The following BCAS3 variants were observed in gnomAD, a reference collection of about 807,000 sequenced individuals.
BCAS3 encodes the protein BCAS4/BCAS3 fusion.
A neutral mutation model predicts 116.1 loss-of-function variants in BCAS3; 53 were observed. That is an observed-to-expected ratio of 0.46 (90% confidence interval 0.37 to 0.57). The LOEUF (loss-of-function observed/expected upper bound fraction) is 0.57. Ranked by LOEUF, BCAS3 falls within the 20% of genes least tolerant of loss-of-function variation. The probability of loss-of-function intolerance (pLI) is 0.00; values close to 1 mark genes in which losing one functional copy is unlikely to be tolerated. For missense variants in BCAS3, 917 were observed against 1,165.4 expected, an observed-to-expected ratio of 0.79 and a Z score of 3.10; for synonymous variants, 391 against 408.2, an observed-to-expected ratio of 0.96 and a Z score of 0.51.
intron 10 of BCAS3, 63 bp from the exon 11 acceptor site, chr17:60,902,557 G>T: frequency 7.6e-7 from 1 of 1,319,326 alleles, no homozygotes. Flanking sequence ...TATCCTGATA[G>T]CCTGTAGAGT....
chr17:61,216,585 G>A lies in BCAS3; in HGVS notation c.2425+132021G>A, dbSNP rs563679704. Among the ~76,000 whole-genome samples, 26 of 148,382 alleles carry A rather than the reference G, an allele frequency of 1.8e-4. No individual in the cohort carries two copies. In the South Asian group the frequency reaches 1.9e-3, roughly 11 times the overall value. On this transcript the variant is annotated intron_variant, in intron 22 of 23. Transcript: ENST00000407086. ...TTTTGAGTTGGAGTCTTGCTCTGTC[G>A]CCCAGGCTGAAGTGCAATGGCAATC...
In BCAS3 at chr17:60,798,553, T is replaced by C. The variant is rs561862753; in HGVS notation, c.404-9451T>C. ...GCTCATTTCTTTTTAGTCTGTTGTT[T>C]GGATATATTACAGTTTATTTATCCA... On this transcript the variant is annotated intron_variant, in intron 6 of 23. Coordinates refer to ENST00000407086, the MANE Select transcript of BCAS3 (RefSeq NM_017679.5). 3.9e-5 allele frequency among the ~76,000 whole-genome samples: 6 copies of C among 152,378 alleles called. No individual in the cohort carries two copies. In the East Asian group the frequency reaches 1.2e-3, roughly 29 times the overall value.
chr17:60,818,078 C>A (rs772107577), intron 7 of BCAS3, among the ~76,000 whole-genome samples: 4 of 152,038 alleles, frequency 2.6e-5, no homozygotes, highest in Non-Finnish European at 5.9e-5. Context: ...TGGTCTTGAA[C>A]TCCTGGGCTC....
intron 6 of BCAS3, among the ~76,000 whole-genome samples, chr17:60,783,120 A>G (rs1258391307): frequency 1.3e-5 from 2 of 152,224 alleles, no homozygotes; most frequent in African/African-American, 4.8e-5. Context: ...TGCAACTGCA[A>G]GAATGAACCC....
intron 21 of BCAS3, among the ~76,000 whole-genome samples, chr17:61,079,750 C>T (rs529128441): frequency 1.1e-4 from 17 of 152,078 alleles, no homozygotes; most frequent in African/African-American, 4.1e-4. Flanking sequence ...CGCCCGCCAC[C>T]AGACCCAGCT....
chr17:60,938,017 CTT>C (rs142673156), intron 13 of BCAS3, among the ~76,000 whole-genome samples: 1 of 149,382 alleles, frequency 6.7e-6, no homozygotes, highest in East Asian at 1.9e-4. Context: ...ATTTCTCACT[CTT>C]TTTTTTTTGA....
intron 7 of BCAS3, among the ~76,000 whole-genome samples, chr17:60,835,954 G>A (rs1193137957): frequency 1.3e-5 from 2 of 152,056 alleles, no homozygotes; most frequent in Admixed American, 6.6e-5. Flanking sequence ...GTCATTAATT[G>A]TTTAGACTTT....
intron 7 of BCAS3, among the ~76,000 whole-genome samples, chr17:60,861,523 C>A (rs1007785904): frequency 6.6e-5 from 10 of 152,104 alleles, no homozygotes; most frequent in Non-Finnish European, 1.5e-4. Flanking sequence ...ACTTCCAGAA[C>A]TGTGTTGAAT....
chr17:61,339,877 C>G lies in BCAS3; in HGVS notation c.2426-28450C>G, dbSNP rs2057014890. 6.6e-6 allele frequency among the ~76,000 whole-genome samples: 1 copy of G among 151,988 alleles called. No homozygotes were observed. Among genetic ancestry groups the G allele is most frequent in the African/African-American group, 2.4e-5 (1 of 41,360 alleles). On this transcript the variant is annotated intron_variant, in intron 22 of 23. Transcript: ENST00000407086. This position sits in a 1 kb window ranked among gnomAD's most constrained non-coding sequence, Gnocchi z 4.4. ...CAGGTGAGTGTGCTGTCCCGAAAGC[C>G]AAGTAGAGAGAGGGTCAACTATGTC... is the stretch of plus-strand genomic sequence containing the variant.
intron 7 of BCAS3, among the ~76,000 whole-genome samples, chr17:60,815,375 A>G (rs1020218930): frequency 3.9e-5 from 6 of 152,106 alleles, no homozygotes; most frequent in Non-Finnish European, 7.3e-5. Flanking sequence ...GCACACTAAC[A>G]TGGCGCGTGT....
At chr17:61,035,596 A>AT (rs1446558585) in intron 17 of BCAS3, among the ~76,000 whole-genome samples, 1 of 151,512 alleles carries the variant, frequency 6.6e-6, no homozygotes, top group Non-Finnish European at 1.5e-5. Context: ...AAAAAAAAAA[A>AT]AAAAAAGAGG....
At position 61,219,679 on chromosome 17, in the gene BCAS3, T is replaced by G. The variant is rs2081998550; in HGVS notation, c.2425+135115T>G. ...AGCTCCTTGGAGGGTTGCAAATAGC[T>G]GCCGTGAGAAACCCTCTCTGCTGCT... On this transcript the variant is annotated intron_variant, in intron 22 of 23. Coordinates refer to ENST00000407086, the MANE Select transcript of BCAS3 (RefSeq NM_017679.5). The surrounding 1 kb of genome is among the most constrained non-coding windows in gnomAD (Gnocchi z 5.2). Among the ~76,000 whole-genome samples, 1 of 152,162 alleles carries G rather than the reference T, an allele frequency of 6.6e-6. No homozygotes were observed. The highest frequency in any genetic ancestry group is 6.5e-5 in the Admixed American group (1 of 15,272).
intron 6 of BCAS3, among the ~76,000 whole-genome samples, chr17:60,756,420 C>G (rs575332721): frequency 1.8e-4 from 28 of 152,164 alleles, no homozygotes; most frequent in South Asian, 1.2e-3. Flanking sequence ...TATCCACCCC[C>G]CTTCCATCCA....
At chr17:60,833,146 T>C (rs2051087102) in intron 7 of BCAS3, among the ~76,000 whole-genome samples, 1 of 152,116 alleles carries the variant, frequency 6.6e-6, no homozygotes, top group African/African-American at 2.4e-5. Context: ...GGATTACAGG[T>C]GCGAGCCACT....
In BCAS3 at chr17:61,213,685, A is replaced by T. The variant is rs554615718; in HGVS notation, c.2425+129121A>T. Among the ~76,000 whole-genome samples the T allele has an allele frequency of 1.3e-5, 2 of 152,242 alleles. No individual in the cohort carries two copies. The highest frequency in any genetic ancestry group is 1.3e-4 in the Admixed American group (2 of 15,294). ...TGCATGTTTTTTTAAGTAGTGAAAG[A>T]AGGTTGGAGGAGGACTGTACAGATG... is the stretch of plus-strand genomic sequence containing the variant. On this transcript the variant is annotated intron_variant, in intron 22 of 23. Transcript: ENST00000407086. This position sits in a 1 kb window ranked among gnomAD's most constrained non-coding sequence, Gnocchi z 5.4.
At chr17:60,906,568 G>T (rs2058202229) in intron 11 of BCAS3, among the ~76,000 whole-genome samples, 1 of 152,084 alleles carries the variant, frequency 6.6e-6, no homozygotes, top group Non-Finnish European at 1.5e-5. Flanking sequence ...CTGCTTCCTA[G>T]AATCACCAGA....
chr17:61,101,533 A>C (rs1042206698), intron 22 of BCAS3, among the ~76,000 whole-genome samples: 8 of 152,190 alleles, frequency 5.3e-5, no homozygotes, highest in African/African-American at 1.9e-4. Flanking sequence ...AGCTTAAAAC[A>C]TACCCAAAAT....
chr17:61,034,580 T>C lies in BCAS3; in HGVS notation c.1638-86T>C. On this transcript the variant is annotated intron_variant, in intron 16 of 23. Coordinates refer to ENST00000407086, the MANE Select transcript of BCAS3 (RefSeq NM_017679.5). This position sits in a 1 kb window ranked among gnomAD's most constrained non-coding sequence, Gnocchi z 5.0. ...TCATACTGGAGGATTTGAATAGGGGTGGAATTTAAAGGAAAAACTGTCATT... is the reference window on the plus strand; with the variant it reads ...TCATACTGGAGGATTTGAATAGGGGCGGAATTTAAAGGAAAAACTGTCATT... The C allele has an allele frequency of 8.0e-7, 1 of 1,245,294 alleles. No homozygotes were observed. The highest frequency in any genetic ancestry group is 1.1e-6 in the Non-Finnish European group (1 of 905,400). 77.1% of individuals were successfully genotyped at this position (1,245,294 alleles called of 1,614,324 possible).
At chr17:60,733,017 T>A (rs1217238656) in intron 5 of BCAS3, among the ~76,000 whole-genome samples, 2 of 152,194 alleles carry the variant, frequency 1.3e-5, no homozygotes, top group Non-Finnish European at 2.9e-5. Flanking sequence ...CAATATAGAC[T>A]GAATCATTCA....
Sources: gnomAD v4.1 joint callset for allele counts (sites outside exome capture counted in the v4.1 genomes callset) on GRCh38, gnomAD v4.1.1 for gene constraint, Gnocchi (gnomAD v3.1) non-coding constraint, MANE v1.5 for transcripts, NCBI Gene and HGNC (gene_info 2026-07-23, HGNC 2026-07-21) for gene names.